Variants in LTBP1 observed in about 807,000 individuals in gnomAD.
LTBP1 encodes latent-transforming growth factor beta-binding protein 1.
A neutral mutation model predicts 207.6 loss-of-function variants in LTBP1; 129 were observed. The observed-to-expected ratio is 0.62, with a 90% CI of 0.54 to 0.72. LTBP1 has a LOEUF of 0.72. Among genes scored for constraint, LTBP1 ranks in the 30% least tolerant of loss-of-function variants. The pLI, the probability that LTBP1 is intolerant of heterozygous loss-of-function variation, is 0.00. For synonymous variants in LTBP1, 963 were observed against 833.7 expected, an observed-to-expected ratio of 1.16 and a Z score of -2.67; for missense variants, 2,281 against 2,217.2, an observed-to-expected ratio of 1.03 and a Z score of -0.58.
At chr2:33,328,193 A>G (rs1313540260) in intron 24 of LTBP1, among the ~76,000 whole-genome samples, 1 of 146,636 alleles carries the variant, frequency 6.8e-6, no homozygotes, top group Non-Finnish European at 1.5e-5. Flanking sequence ...GCATGTAGAA[A>G]AGTGCCTAAA....
At chr2:32,949,948 G>A (rs1054838395) in intron 2 of LTBP1, among the ~76,000 whole-genome samples, 1 of 152,210 alleles carries the variant, frequency 6.6e-6, no homozygotes, top group Non-Finnish European at 1.5e-5. Context: ...GATGTGTTAT[G>A]ATCAAGCAGT....
intron 28 of LTBP1, among the ~76,000 whole-genome samples, chr2:33,361,823 G>C (rs987044079): frequency 2.0e-5 from 3 of 152,070 alleles, no homozygotes; most frequent in Non-Finnish European, 2.9e-5. Flanking sequence ...AACAAATTCT[G>C]TACCTAGTAG....
intron 2 of LTBP1, among the ~76,000 whole-genome samples, chr2:32,971,084 C>T (rs371209139): frequency 6.0e-5 from 9 of 150,884 alleles, no homozygotes; most frequent in South Asian, 2.1e-4. Context: ...CTTGATGTGG[C>T]GCTCAGCTTG....
intron 5 of LTBP1, among the ~76,000 whole-genome samples, chr2:33,169,933 C>G (rs557551279): frequency 6.6e-6 from 1 of 152,228 alleles, no homozygotes; most frequent in African/African-American, 2.4e-5. Flanking sequence ...GTAATATAAT[C>G]AGATAGTAAG....
chr2:33,352,683 G>A (rs2094798386), intron 26 of LTBP1, among the ~76,000 whole-genome samples: 1 of 152,096 alleles, frequency 6.6e-6, no homozygotes, highest in Admixed American at 6.6e-5. Context: ...CCACACTGCT[G>A]CCAGAGTTAA....
chr2:33,096,794 C>A (rs550078866), intron 3 of LTBP1, among the ~76,000 whole-genome samples: 121 of 152,314 alleles, frequency 7.9e-4, no homozygotes, highest in African/African-American at 2.9e-3. Context: ...GATTTTAGTT[C>A]TAGCTACTCA....
At chr2:33,255,013 G>A (rs937084404) in intron 11 of LTBP1, among the ~76,000 whole-genome samples, 1 of 143,726 alleles carries the variant, frequency 7.0e-6, no homozygotes, top group Non-Finnish European at 1.5e-5. Flanking sequence ...TGCCATGCTG[G>A]TGCGCTGCAC....
chr2:33,290,740 A>G (rs116278975), intron 19 of LTBP1, among the ~76,000 whole-genome samples: 134 of 152,284 alleles, frequency 8.8e-4, no homozygotes, highest in African/African-American at 3.1e-3. Flanking sequence ...TGAGTAGATA[A>G]TGGTACTAGA....
At chr2:33,075,448 A>C (rs1187638698) in intron 3 of LTBP1, among the ~76,000 whole-genome samples, 3 of 152,186 alleles carry the variant, frequency 2.0e-5, no homozygotes, top group African/African-American at 7.2e-5. Context: ...CAATAAAGTT[A>C]CTCCTATTGT....
intron 24 of LTBP1, 110 bp downstream of exon 24, chr2:33,315,379 C>G (rs558846824): frequency 2.2e-5 from 30 of 1,373,012 alleles, no homozygotes; most frequent in Middle Eastern, 2.1e-4. Context: ...AATTCAGAGC[C>G]TCAAAGCATG....
intron 3 of LTBP1, among the ~76,000 whole-genome samples, chr2:33,036,647 G>A (rs1480392203): frequency 2.0e-5 from 3 of 151,896 alleles, no homozygotes; most frequent in African/African-American, 4.8e-5. Context: ...TAGTAGAGAC[G>A]GGGTTTCACC....
intron 15 of LTBP1, among the ~76,000 whole-genome samples, chr2:33,272,319 C>G (rs79518556): frequency 0.029 from 4,407 of 152,228 alleles, 231 homozygotes; most frequent in African/African-American, 0.1. Context: ...TCATTCAAAC[C>G]ACAGACCTCT....
rs745446190 is a variant in LTBP1, at chr2:33,360,720, C to T, written c.4124C>T (p.Thr1375Ile). The change falls in exon 27 of 34, where the codon ACA (threonine) becomes ATA (isoleucine). Residue 1375 changes from threonine to isoleucine, a missense_variant. Physicochemically the swap from Thr to Ile is moderately conservative, Grantham distance 89 (BLOSUM62 -1). Coordinates refer to ENST00000404816, the MANE Select transcript of LTBP1 (RefSeq NM_206943.4). ...PNVTKQECCCTSGVGWGDNCE... is the reference protein window; with the variant it reads ...PNVTKQECCCISGVGWGDNCE... Reference sequence around the variant, plus strand: ...GTCACGAAACAAGAATGCTGCTGTACATCAGGCGTGGGATGGGGAGATAAC... The same window carrying T: ...GTCACGAAACAAGAATGCTGCTGTATATCAGGCGTGGGATGGGGAGATAAC... 1.1e-5 allele frequency: 17 copies of T among 1,613,844 alleles called. No individual in the cohort carries two copies. The highest frequency in any genetic ancestry group is 1.4e-5 in the Non-Finnish European group (17 of 1,179,836).
At chr2:33,258,600 A>G (rs2092924160) in intron 12 of LTBP1, among the ~76,000 whole-genome samples, 1 of 152,238 alleles carries the variant, frequency 6.6e-6, no homozygotes, top group South Asian at 2.1e-4. Flanking sequence ...GACACTTAGT[A>G]TCATGACCAG....
intron 2 of LTBP1, among the ~76,000 whole-genome samples, chr2:32,991,578 G>T (rs1225650535): frequency 1.3e-5 from 2 of 152,200 alleles, no homozygotes; most frequent in Non-Finnish European, 2.9e-5. Flanking sequence ...ACAGTTGAGT[G>T]ATACATTGAT....
At chr2:33,314,158 T>TA (rs2094228675) in intron 23 of LTBP1, among the ~76,000 whole-genome samples, 1 of 152,170 alleles carries the variant, frequency 6.6e-6, no homozygotes, top group South Asian at 2.1e-4. Flanking sequence ...TAGTAGTTAT[T>TA]GCTTTTTGAC....
chr2:33,395,982 T>C (rs2150756163), intron 32 of LTBP1, among the ~76,000 whole-genome samples: 1 of 151,986 alleles, frequency 6.6e-6, no homozygotes, highest in Non-Finnish European at 1.5e-5. Context: ...TGACAGTGTG[T>C]TGGGTCACTG....
At chr2:33,258,536 G>A (rs1001299317) in intron 12 of LTBP1, among the ~76,000 whole-genome samples, 13 of 152,140 alleles carry the variant, frequency 8.5e-5, no homozygotes, top group African/African-American at 3.1e-4. Context: ...CCTTGGTGAG[G>A]CAGAACAGGC....
chr2:33,090,980 A>G (rs2079053154), intron 3 of LTBP1, among the ~76,000 whole-genome samples: 1 of 152,200 alleles, frequency 6.6e-6, no homozygotes, highest in East Asian at 1.9e-4. Context: ...TGCTTGAGTC[A>G]GGCTTGGCTT....
Sources: gnomAD v4.1 joint callset for allele counts (sites outside exome capture counted in the v4.1 genomes callset) on GRCh38, gnomAD v4.1.1 for gene constraint, MANE v1.5 for transcripts, NCBI Gene and HGNC (gene_info 2026-07-23, HGNC 2026-07-21) for gene names.